The following SGCD variants were observed in gnomAD, a reference collection of about 807,000 sequenced individuals.
SGCD encodes sarcoglycan delta.
Under a neutral mutation model 36.6 loss-of-function variants are expected in SGCD, and 18 were observed. That is an observed-to-expected ratio of 0.49 (90% CI 0.34 to 0.73). The LOEUF is 0.73. Ranked by LOEUF, SGCD falls within the 30% of genes least tolerant of loss-of-function variation. The probability of loss-of-function intolerance (pLI) is 0.01; values close to 1 mark genes in which losing one functional copy is unlikely to be tolerated. For missense variants in SGCD, 387 were observed against 346.7 expected, an observed-to-expected ratio of 1.12 and a Z score of -0.92; for synonymous variants, 133 against 130.6, an observed-to-expected ratio of 1.02 and a Z score of -0.12.
the SGCD span, among the ~76,000 whole-genome samples, chr5:155,816,012 G>T: frequency 6.6e-5 from 10 of 152,338 alleles, no homozygotes; most frequent in African/African-American, 1.7e-4. Flanking sequence ...AATATACTGA[G>T]CTTTCCCTGC....
intron 4 of SGCD, among the ~76,000 whole-genome samples, chr5:156,533,678 C>T (rs559095258): frequency 6.6e-5 from 10 of 152,108 alleles, no homozygotes; most frequent in Non-Finnish European, 1.5e-4. Flanking sequence ...TGTCCAAATA[C>T]CTGTGCCACT....
intron 1 of SGCD, among the ~76,000 whole-genome samples, chr5:156,070,980 C>A (rs1394965395): frequency 1.3e-5 from 2 of 151,870 alleles, no homozygotes; most frequent in South Asian, 2.1e-4. Flanking sequence ...TGTTGATATC[C>A]CCTTTATCAT....
At chr5:156,572,124 A>G (rs1759748327) in intron 4 of SGCD, among the ~76,000 whole-genome samples, 1 of 152,210 alleles carries the variant, frequency 6.6e-6, no homozygotes, top group African/African-American at 2.4e-5. Flanking sequence ...TGGATATATC[A>G]CATTTTGCTT....
chr5:156,642,671 G>T (rs967318263), intron 6 of SGCD, among the ~76,000 whole-genome samples: 4 of 151,742 alleles, frequency 2.6e-5, no homozygotes, highest in Non-Finnish European at 5.9e-5. Flanking sequence ...GTTTCATCAT[G>T]TTGGCCAGGG....
the SGCD span, among the ~76,000 whole-genome samples, chr5:155,853,850 G>A: frequency 3.1e-4 from 47 of 151,970 alleles, no homozygotes; most frequent in Non-Finnish European, 3.7e-4. Context: ...TACAAGTCAG[G>A]GTGAATTAAC....
chr5:156,007,874 T>C (rs1054773470), intron 1 of SGCD, among the ~76,000 whole-genome samples: 1 of 152,226 alleles, frequency 6.6e-6, no homozygotes, highest in Non-Finnish European at 1.5e-5. Flanking sequence ...TGAAACATTA[T>C]TTAAAGGCCA....
intron 7 of SGCD, among the ~76,000 whole-genome samples, chr5:156,649,757 T>C (rs1279086115): frequency 6.6e-6 from 1 of 152,076 alleles, no homozygotes; most frequent in Non-Finnish European, 1.5e-5. Context: ...ATATACCTAA[T>C]GTTAAATGAC....
intron 1 of SGCD, among the ~76,000 whole-genome samples, chr5:156,080,322 G>A (rs992162275): frequency 6.6e-6 from 1 of 152,206 alleles, no homozygotes; most frequent in African/African-American, 2.4e-5. Flanking sequence ...TCTGTGAAGT[G>A]CCTTCTAGGC....
At chr5:155,842,246 GTTTTTT>G in the SGCD span, among the ~76,000 whole-genome samples, 1 of 129,054 alleles carries the variant, frequency 7.7e-6, no homozygotes, top group African/African-American at 2.9e-5. Context: ...CATTTGAGGT[GTTTTTT>G]TTTTTTTTTT....
Position 156,062,464 on chromosome 5 carries a change from G to A in SGCD, c.-281-55414G>A, listed in dbSNP as rs1273782438. Among the ~76,000 whole-genome samples the A allele has an allele frequency of 4.0e-4, 47 of 116,478 alleles. 4 individuals are homozygous for A. 76.4% of individuals were successfully genotyped at this position (116,478 alleles called of 152,430 possible). A position where few individuals can be genotyped will look rare whatever the true frequency, so the allele number is the denominator to read the frequency against. ...TATATACCCAGTAATGGGATGGCTG[G>A]GTCAAATGGTATTTCTAGTTCTAGA... On this transcript the variant is annotated intron_variant, in intron 1 of 9. Coordinates refer to the SGCD transcript ENST00000517913.
intron 3 of SGCD, among the ~76,000 whole-genome samples, chr5:156,471,199 A>G (rs1386845670): frequency 1.3e-5 from 2 of 152,186 alleles, no homozygotes; most frequent in African/African-American, 2.4e-5. Flanking sequence ...ATAGTCATTG[A>G]GCAGAAAATT....
At chr5:156,340,415 G>C (rs567666997) in intron 2 of SGCD, among the ~76,000 whole-genome samples, 14 of 152,296 alleles carry the variant, frequency 9.2e-5, no homozygotes, top group Admixed American at 2.6e-4. Flanking sequence ...TTGGAGCTAT[G>C]GGTGGAAGGA....
At chr5:156,345,572 T>G (rs1012653535) in intron 3 of SGCD, among the ~76,000 whole-genome samples, 1 of 152,124 alleles carries the variant, frequency 6.6e-6, no homozygotes, top group Non-Finnish European at 1.5e-5. Context: ...CATGCTTAAA[T>G]TCCAGGACTT....
chr5:156,542,876 A>G (rs1297795900), intron 4 of SGCD, among the ~76,000 whole-genome samples: 1 of 152,190 alleles, frequency 6.6e-6, no homozygotes, highest in Non-Finnish European at 1.5e-5. Context: ...CTGCAGAGCA[A>G]TTCCAAATCA....
At chr5:155,847,565 C>T in the SGCD span, among the ~76,000 whole-genome samples, 3 of 152,086 alleles carry the variant, frequency 2.0e-5, no homozygotes, top group Non-Finnish European at 2.9e-5. Context: ...TAAATAATGG[C>T]GGGGCATTCT....
intron 3 of SGCD, among the ~76,000 whole-genome samples, chr5:156,444,098 C>CCT (rs1376196716): frequency 9.2e-5 from 11 of 119,552 alleles, no homozygotes; most frequent in African/African-American, 4.0e-4. Context: ...CTCTCTCTCT[C>CCT]TCTCTCTCTC....
chr5:156,177,334 C>A (rs1389593214), intron 3 of SGCD, among the ~76,000 whole-genome samples: 22 of 151,990 alleles, frequency 1.4e-4, no homozygotes, highest in Admixed American at 1.4e-3. Flanking sequence ...TTCTGGTGAG[C>A]CTTGTGTGCT....
chr5:156,231,008 C>A (rs1765001313), intron 3 of SGCD, among the ~76,000 whole-genome samples: 1 of 151,882 alleles, frequency 6.6e-6, no homozygotes, highest in African/African-American at 2.4e-5. Context: ...AATAAAAAGG[C>A]TACAAGGAGG....
At chr5:156,072,048 C>G (rs565129957) in intron 1 of SGCD, among the ~76,000 whole-genome samples, 36 of 152,218 alleles carry the variant, frequency 2.4e-4, no homozygotes, top group Middle Eastern at 3.4e-3. Context: ...TGGGTTTCCT[C>G]AATACAGCAC....
Sources: gnomAD v4.1 joint callset for allele counts (sites outside exome capture counted in the v4.1 genomes callset) on GRCh38, gnomAD v4.1.1 for gene constraint, MANE v1.5 for transcripts, NCBI Gene and HGNC (gene_info 2026-07-23, HGNC 2026-07-21) for gene names.